The following SUPT20H variants were observed in gnomAD, a reference collection of about 807,000 sequenced individuals.
SUPT20H encodes SPT20 homolog, SAGA complex component, also known as transcription factor SPT20 homolog.
Under a neutral mutation model 122.8 loss-of-function variants are expected in SUPT20H, and 82 were observed. The observed-to-expected ratio is 0.67, with a 90% CI of 0.56 to 0.80. The LOEUF (loss-of-function observed/expected upper bound fraction) is 0.80, where lower values mean the gene tolerates loss of function less well. Ranked by LOEUF, SUPT20H falls within the 30% of genes least tolerant of loss-of-function variation. SUPT20H has a pLI of 0.00. For missense variants in SUPT20H, 831 were observed against 921.6 expected, an observed-to-expected ratio of 0.90 and a Z score of 1.27; for synonymous variants, 291 against 313.0, an observed-to-expected ratio of 0.93 and a Z score of 0.74.
At chr13:37,035,449 A>G (rs1421906782) in intron 9 of SUPT20H, among the ~76,000 whole-genome samples, 3 of 152,168 alleles carry the variant, frequency 2.0e-5, no homozygotes, top group Non-Finnish European at 4.4e-5. Flanking sequence ...GAGCCTGAAG[A>G]TGTGACTGAA....
In SUPT20H at chr13:37,040,416, T is replaced by C; in HGVS notation, c.556A>G (p.Lys186Glu). ...ACAAAACAACTAACCTGGGTCCATTTGTGGTTATCACTTGTTATTGAATGT... is the reference window on the plus strand; with the variant it reads ...ACAAAACAACTAACCTGGGTCCATTCGTGGTTATCACTTGTTATTGAATGT... ...DVHSITSDNHKWTQEDKLLLE... is the reference protein window; with the variant it reads ...DVHSITSDNHEWTQEDKLLLE... The change falls in exon 9 of 26, where the codon AAA becomes GAA. Residue 186 changes from lysine (K) to glutamate (E), a missense_variant. Coordinates refer to ENST00000350612, the MANE Select transcript of SUPT20H (RefSeq NM_001014286.3). 6.4e-7 allele frequency: 1 copy of C among 1,573,076 alleles called. No individual in the cohort carries two copies. Among genetic ancestry groups the C allele is most frequent in the Non-Finnish European group, 8.6e-7 (1 of 1,167,886 alleles).
At chr13:37,041,999 A>G (rs917691748) in intron 7 of SUPT20H, among the ~76,000 whole-genome samples, 1 of 152,254 alleles carries the variant, frequency 6.6e-6, no homozygotes, top group African/African-American at 2.4e-5. Context: ...AGGGAATAAC[A>G]TATGAGAAGT....
chr13:37,038,456 G>T (rs2138491464), intron 9 of SUPT20H: 1 of 152,232 alleles, frequency 6.6e-6, no homozygotes, highest in Non-Finnish European at 1.5e-5. Context: ...TAACCAATGA[G>T]TTTTTCTGTT....
chr13:37,036,123 C>T (rs753442686), intron 9 of SUPT20H, among the ~76,000 whole-genome samples: 5 of 152,124 alleles, frequency 3.3e-5, no homozygotes, highest in Non-Finnish European at 7.3e-5. Context: ...TCATTAATAT[C>T]CAGGCAATAC....
chr13:37,025,426 T>G lies in SUPT20H; in HGVS notation c.1223A>C (p.Gln408Pro). ...TTCATTCTGGACTAATTCTTGGTAC[T>G]GATTGACTACCCTAAAATATCAGGA... ...SKTDAERVVN[Q>P]YQELVQNEAK... is the part of the protein sequence containing the mutation. The change falls in exon 17 of 26, where the codon CAG becomes CCG. Residue 408 changes from glutamine (Q) to proline (P), a missense_variant. Physicochemically the swap from Gln to Pro is moderately conservative, Grantham distance 76. Transcript: ENST00000350612. 6.2e-7 allele frequency: 1 copy of G among 1,612,212 alleles called. No homozygotes were observed. The highest frequency in any genetic ancestry group is 8.5e-7 in the Non-Finnish European group (1 of 1,178,492).
rs983017194 is a variant in SUPT20H at position 37,045,347 on chromosome 13, T to C, written c.192A>G (p.Leu64=). Residue 64 remains leucine (L), a synonymous_variant, in exon 6 of 26, where the codon TTA becomes TTG. Transcript: ENST00000350612. ...VKKLRRNVNL[L]EKLVMQETLS... ...AAGTCTCTTGCATAACAAGCTTCTC[T>C]AACAAGTTCACATTTCTTCTTAATT... 1.9e-6 allele frequency: 3 copies of C among 1,613,532 alleles called. No homozygotes were observed. The highest frequency in any genetic ancestry group is 2.5e-6 in the Non-Finnish European group (3 of 1,179,644).
At chr13:37,025,533 G>T (rs1307801540) in intron 16 of SUPT20H, 96 bp from the exon 17 acceptor site, 3 of 751,742 alleles carry the variant, frequency 4.0e-6, no homozygotes, top group African/African-American at 1.8e-5. Context: ...ATGGCAAAAA[G>T]AAAGTTCTAT....
intron 23 of SUPT20H, among the ~76,000 whole-genome samples, chr13:37,015,189 C>A (rs930504813): frequency 6.6e-6 from 1 of 150,914 alleles, no homozygotes; most frequent in African/African-American, 2.4e-5. Flanking sequence ...AAAAAAACTT[C>A]TGTGCAATGG....
intron 10 of SUPT20H, 111 bp from the exon 11 acceptor site, chr13:37,032,006 T>C (rs1023554310): frequency 6.6e-6 from 6 of 904,190 alleles, no homozygotes; most frequent in Non-Finnish European, 9.5e-6. Context: ...TATAGAACAC[T>C]GCCACATGCC....
intron 1 of SUPT20H, among the ~76,000 whole-genome samples, chr13:37,054,835 T>C (rs954396671): frequency 4.6e-5 from 7 of 152,318 alleles, no homozygotes; most frequent in Middle Eastern, 6.8e-3. Context: ...TTGTCCCTGT[T>C]TGCAGATGAC....
chr13:37,036,965 C>T (rs748033334), intron 9 of SUPT20H, among the ~76,000 whole-genome samples: 3 of 151,868 alleles, frequency 2.0e-5, no homozygotes, highest in Non-Finnish European at 2.9e-5. Flanking sequence ...GAGTCCGAGG[C>T]GGGCAGAACG....
At chr13:37,009,970 C>T (rs1312085981) in intron 25 of SUPT20H, among the ~76,000 whole-genome samples, 161 bp from the exon 26 acceptor site, 2 of 152,132 alleles carry the variant, frequency 1.3e-5, no homozygotes, top group Non-Finnish European at 2.9e-5. Context: ...TCAAACAGCA[C>T]CAGTGGCACA....
chr13:37,009,508 T>TC lies in SUPT20H; in HGVS notation c.*163dup, dbSNP rs1461780207. On this transcript the variant is annotated 3_prime_UTR_variant, in exon 26 of 26. Coordinates refer to ENST00000350612, the MANE Select transcript of SUPT20H (RefSeq NM_001014286.3). ...ACCAACCCTAGTTTGTTAAACCATT[T>TC]CCCTGTTTTTATTTAAAAATGATAA... The TC allele has an allele frequency of 1.3e-4, 126 of 959,226 alleles. No homozygotes were observed. In the East Asian group the frequency reaches 2.7e-3, roughly 21 times the overall value. The allele number at this position is 959,226 out of a possible 1,614,324, so 59.4% of individuals were successfully genotyped here. A position where few individuals can be genotyped will look rare whatever the true frequency, so the allele number is the denominator to read the frequency against.
chr13:37,018,355 CAATTTGT>C (rs1566135329), intron 22 of SUPT20H, among the ~76,000 whole-genome samples: 18 of 152,292 alleles, frequency 1.2e-4, no homozygotes, highest in African/African-American at 4.1e-4. Context: ...TAAACAAATG[CAATTTGT>C]GGGCTTGCCC....
Position 37,022,638 on chromosome 13 carries a change from G to C in SUPT20H, c.1592-558C>G. 2 of 1,045,966 alleles carry C rather than the reference G, an allele frequency of 1.9e-6. No individual in the cohort carries two copies. The highest frequency in any genetic ancestry group is 2.3e-6 in the Non-Finnish European group (2 of 869,622). 64.8% of individuals were successfully genotyped at this position (1,045,966 alleles called of 1,614,324 possible). On this transcript the variant is annotated intron_variant, in intron 19 of 25. Transcript: ENST00000350612. This position sits in a 1 kb window ranked among gnomAD's most constrained non-coding sequence, Gnocchi z 4.5. ...GCCTTTGGCCTAAAAAGTTCAAAAC[G>C]AATTCAAATTAATTTGTTATTTACG...
chr13:37,046,832 A>T (rs147390156), intron 5 of SUPT20H: 1 of 152,208 alleles, frequency 6.6e-6, no homozygotes, highest in African/African-American at 2.4e-5. Context: ...AGATTTACTT[A>T]TAAGTTTAAA....
intron 23 of SUPT20H, chr13:37,012,664 T>C (rs1253089858): frequency 6.4e-6 from 1 of 156,086 alleles, no homozygotes; most frequent in Non-Finnish European, 1.4e-5. Flanking sequence ...ATAAAAGGTA[T>C]ATAGATTTTA....
intron 12 of SUPT20H, among the ~76,000 whole-genome samples, 170 bp downstream of exon 12, chr13:37,031,397 C>T (rs941801237): frequency 3.3e-5 from 5 of 151,688 alleles, no homozygotes; most frequent in South Asian, 2.1e-4. Context: ...AATCATTTTT[C>T]GATGTTTTTT....
chr13:37,040,304 A>T, intron 9 of SUPT20H, 101 bp downstream of exon 9: 1 of 1,064,470 alleles, frequency 9.4e-7, no homozygotes, highest in Non-Finnish European at 1.3e-6. Flanking sequence ...CATCAAACTT[A>T]ATTATTGAAT....
Sources: gnomAD v4.1 joint callset for allele counts (sites outside exome capture counted in the v4.1 genomes callset) on GRCh38, gnomAD v4.1.1 for gene constraint, Gnocchi (gnomAD v3.1) non-coding constraint, MANE v1.5 for transcripts, NCBI Gene and HGNC (gene_info 2026-07-23, HGNC 2026-07-21) for gene names.